CD96: variants seen among roughly 807,000 people sequenced by gnomAD.
CD96 encodes T-cell surface protein tactile.
A neutral mutation model predicts 71.3 loss-of-function variants in CD96; 70 were observed. That is an observed-to-expected ratio of 0.98 (90% CI 0.81 to 1.20). The LOEUF is 1.20. Among genes scored for constraint, CD96 ranks in the 50% most tolerant of loss-of-function variants. CD96 has a pLI of 0.00. For synonymous variants in CD96, 248 were observed against 233.0 expected (o/e 1.06, Z -0.59); for missense variants, 742 against 677.5 (o/e 1.10, Z -1.06).
intron 8 of CD96, among the ~76,000 whole-genome samples, chr3:111,614,212 C>T (rs774261009): frequency 4.6e-5 from 7 of 152,144 alleles, no homozygotes; most frequent in Admixed American, 2.0e-4. Flanking sequence ...AACTTGGAAA[C>T]GCTGGGATAT....
At chr3:111,572,977 G>A (rs1394066045) in intron 3 of CD96, among the ~76,000 whole-genome samples, 1 of 152,154 alleles carries the variant, frequency 6.6e-6, no homozygotes, top group East Asian at 1.9e-4. Context: ...AATGGACAGT[G>A]TATCTAACAT....
intron 5 of CD96, among the ~76,000 whole-genome samples, chr3:111,591,176 C>T (rs1375551557): frequency 6.6e-6 from 1 of 151,962 alleles, no homozygotes; most frequent in Non-Finnish European, 1.5e-5. Context: ...AGATCCAGAC[C>T]ATCCTGGCCA....
chr3:111,600,415 T>C (rs1428928920), intron 6 of CD96, among the ~76,000 whole-genome samples: 1 of 152,252 alleles, frequency 6.6e-6, no homozygotes, highest in Non-Finnish European at 1.5e-5. Context: ...AGTCTCACAG[T>C]TGTCAACACA....
At chr3:111,636,788 A>T (rs946969760) in intron 10 of CD96, among the ~76,000 whole-genome samples, 2 of 152,200 alleles carry the variant, frequency 1.3e-5, no homozygotes, top group African/African-American at 4.8e-5. Flanking sequence ...TCCCCTATGC[A>T]TGTTCTAGCA....
At chr3:111,580,295 C>A (rs1242438334) in intron 4 of CD96, among the ~76,000 whole-genome samples, 1 of 152,162 alleles carries the variant, frequency 6.6e-6, no homozygotes, top group Admixed American at 6.5e-5. Context: ...GGTTAAAATT[C>A]TATTTTCCCC....
chr3:111,633,415 C>T (rs963373172), intron 10 of CD96, among the ~76,000 whole-genome samples: 6 of 151,952 alleles, frequency 3.9e-5, no homozygotes, highest in Non-Finnish European at 7.4e-5. Context: ...CAAAATGTGG[C>T]ACAAAGACAT....
intron 2 of CD96, among the ~76,000 whole-genome samples, chr3:111,554,570 C>T (rs1934890985): frequency 1.3e-5 from 2 of 152,006 alleles, no homozygotes; most frequent in African/African-American, 4.8e-5. Flanking sequence ...ACTAAATATA[C>T]TGCATCTATA....
intron 8 of CD96, chr3:111,607,158 G>A: frequency 4.1e-6 from 1 of 245,838 alleles, no homozygotes; most frequent in Non-Finnish European, 8.0e-6. Context: ...GGAAAATCAA[G>A]GTAAATAAAT....
At position 111,549,507 on chromosome 3, in the gene CD96, G is replaced by A. The variant is rs149666289; in HGVS notation, c.418+4105G>A. Among the ~76,000 whole-genome samples the A allele has an allele frequency of 4.2e-3, 643 of 152,246 alleles. 6 individuals are homozygous for A. The highest frequency in any genetic ancestry group is 0.014 in the African/African-American group (602 of 41,556). ...AATGCATCTTTGTGGTTCAAGTGTA[G>A]AGAATGAATTGGAGAAGGCAGAGAC... On this transcript the variant is annotated intron_variant, in intron 2 of 13. Transcript: ENST00000352690.
At chr3:111,572,637 T>C (rs1319213876) in intron 3 of CD96, among the ~76,000 whole-genome samples, 1 of 152,192 alleles carries the variant, frequency 6.6e-6, no homozygotes, top group Non-Finnish European at 1.5e-5. Context: ...AAACTTCCTA[T>C]ACTGAACTCT....
intron 5 of CD96, among the ~76,000 whole-genome samples, chr3:111,592,346 T>C (rs1937031691): frequency 6.6e-6 from 1 of 152,218 alleles, no homozygotes; most frequent in African/African-American, 2.4e-5. Context: ...AGGTAAACAG[T>C]TTTTAAAAAT....
intron 10 of CD96, among the ~76,000 whole-genome samples, chr3:111,631,334 C>G (rs1939050701): frequency 6.6e-6 from 1 of 152,102 alleles, no homozygotes; most frequent in Admixed American, 6.5e-5. Context: ...AAATTGCTAG[C>G]AATCCTATAC....
chr3:111,600,585 T>G (rs1014492450), intron 6 of CD96, 141 bp from the exon 7 acceptor site: 4 of 660,342 alleles, frequency 6.1e-6, no homozygotes, highest in Admixed American at 4.8e-5. Flanking sequence ...TCTGCTGAAA[T>G]TGACTCTCAC....
In CD96 at chr3:111,652,256, T is replaced by C. The variant is rs1379970745; in HGVS notation, c.*2450T>C. On this transcript the variant is annotated 3_prime_UTR_variant, in exon 14 of 14. Coordinates refer to ENST00000352690, the MANE Select transcript of CD96 (RefSeq NM_005816.5). ...ACCTGCCTTAATTATTTATCTTTAG[T>C]TCCTTATTAGTTCTCAAGAAACAAA... The C allele has an allele frequency of 6.6e-6, 1 of 152,174 alleles. No individual in the cohort carries two copies. Among genetic ancestry groups the C allele is most frequent in the African/African-American group, 2.4e-5 (1 of 41,440 alleles). The allele number at this position is 152,174 out of a possible 1,614,324, so 9.4% of individuals were successfully genotyped here.
intron 10 of CD96, among the ~76,000 whole-genome samples, chr3:111,626,954 G>A (rs1464337746): frequency 6.6e-6 from 1 of 152,122 alleles, no homozygotes; most frequent in East Asian, 1.9e-4. Context: ...TAAACATTCA[G>A]GACAGCATTT....
intron 8 of CD96, among the ~76,000 whole-genome samples, chr3:111,610,604 G>A (rs1937872390): frequency 1.3e-5 from 2 of 152,206 alleles, no homozygotes; most frequent in African/African-American, 4.8e-5. Flanking sequence ...CAAACTGTAA[G>A]AGTTATCCAG....
intron 6 of CD96, 91 bp downstream of exon 6, chr3:111,598,301 C>T: frequency 1.3e-6 from 1 of 748,104 alleles, no homozygotes; most frequent in South Asian, 1.4e-5. Context: ...TTGATCTTGG[C>T]ATTTAAGAAT....
At chr3:111,558,385 A>G (rs1295468767) in intron 2 of CD96, among the ~76,000 whole-genome samples, 1 of 139,076 alleles carries the variant, frequency 7.2e-6, no homozygotes, top group Non-Finnish European at 1.6e-5. Flanking sequence ...CGTCCCATCA[A>G]TACCGAATTT....
chr3:111,643,840 CACAA>C (rs1486888405), intron 12 of CD96, among the ~76,000 whole-genome samples: 2 of 151,334 alleles, frequency 1.3e-5, no homozygotes, highest in Non-Finnish European at 2.9e-5. Flanking sequence ...TCATAGATGA[CACAA>C]ACAAATGGAA....
Sources: allele counts gnomAD v4.1 joint callset (sites outside exome capture counted in the v4.1 genomes callset), GRCh38; gene constraint gnomAD v4.1.1; transcripts MANE v1.5; gene names NCBI Gene and HGNC (gene_info 2026-07-23, HGNC 2026-07-21).